The following NKD2 variants were observed in gnomAD, a reference collection of about 807,000 sequenced individuals.
NKD2 encodes protein naked cuticle homolog 2.
Under a neutral mutation model 34.8 loss-of-function variants are expected in NKD2, and 43 were observed. That is an observed-to-expected ratio of 1.24 (90% CI 0.97 to 1.60). The LOEUF is 1.60. Among genes scored for constraint, NKD2 ranks in the 40% most tolerant of loss-of-function variants. The pLI is 0.00. For synonymous variants in NKD2, 278 were observed against 265.1 expected, an observed-to-expected ratio of 1.05 and a Z score of -0.47; for missense variants, 675 against 627.1, an observed-to-expected ratio of 1.08 and a Z score of -0.82.
In NKD2 at chr5:1,038,467, G is replaced by GCCAAGCC; in HGVS notation, c.*96_*97insAAGCCCC. On this transcript the variant is annotated 3_prime_UTR_variant, in exon 10 of 10. Coordinates refer to ENST00000296849, the MANE Select transcript of NKD2 (RefSeq NM_033120.4). The surrounding 1 kb of genome is among the most constrained non-coding windows in gnomAD (Gnocchi z 4.5). Reference sequence around the variant, plus strand: ...GCTGCCGGCTGTGTGCCCATGGGGAGCCCAGCCCCCACCCCCCACCTCCGA... The same window carrying GCCAAGCC: ...GCTGCCGGCTGTGTGCCCATGGGGAGCCAAGCCCCCAGCCCCCACCCCCCACCTCCGA... The GCCAAGCC allele has an allele frequency of 6.5e-7, 1 of 1,531,590 alleles. No individual in the cohort carries two copies. Among genetic ancestry groups the GCCAAGCC allele is most frequent in the South Asian group, 1.2e-5 (1 of 83,948 alleles). The allele number at this position is 1,531,590 out of a possible 1,614,324, so 94.9% of individuals were successfully genotyped here.
rs1035167657 is a variant in NKD2, at chr5:1,028,139, G to C, written c.142-4013G>C. ...TTACCGTCTGGGCTGGGACCAGGAC[G>C]GGGGCTGGGTGCTGGGAGGACGAAG... On this transcript the variant is annotated intron_variant, in intron 3 of 9. Coordinates refer to ENST00000296849, the MANE Select transcript of NKD2 (RefSeq NM_033120.4). 2.3e-4 allele frequency among the ~76,000 whole-genome samples: 33 copies of C among 140,846 alleles called. 1 individual carries two copies. Among genetic ancestry groups the C allele is most frequent in the Admixed American group, 3.4e-4 (5 of 14,598 alleles). 92.4% of individuals were successfully genotyped at this position (140,846 alleles called of 152,430 possible). A position where few individuals can be genotyped will look rare whatever the true frequency, so the allele number is the denominator to read the frequency against.
chr5:1,012,751 G>A (rs1210518653), intron 3 of NKD2, among the ~76,000 whole-genome samples: 1 of 152,204 alleles, frequency 6.6e-6, no homozygotes, highest in Non-Finnish European at 1.5e-5. Context: ...CCTTCCCCCA[G>A]AGGCAGGGGT....
intron 3 of NKD2, among the ~76,000 whole-genome samples, chr5:1,015,363 G>C (rs1038933268): frequency 1.2e-4 from 18 of 152,222 alleles, no homozygotes; most frequent in African/African-American, 3.9e-4. Context: ...CCTCCTGGCT[G>C]CTGTTCTTGA....
chr5:1,030,306 C>G (rs920581522), intron 3 of NKD2, among the ~76,000 whole-genome samples: 3 of 152,236 alleles, frequency 2.0e-5, no homozygotes, highest in Non-Finnish European at 1.5e-5. Flanking sequence ...TCCGCAGTGG[C>G]AGTGCCTGCA....
Position 1,009,063 on chromosome 5 carries a change from G to A in NKD2, c.6G>A (p.Gly2=), listed in dbSNP as rs1404048185. The change falls in exon 1 of 10, where the codon GGG becomes GGA. Residue 2 remains glycine, a synonymous_variant. Transcript: ENST00000296849. The surrounding 1 kb of genome is among the most constrained non-coding windows in gnomAD (Gnocchi z 6.9). M[G]KLQSKHAAAA... ...GGCGGGGCGTGGCGGCGGCGATGGG[G>A]AAACTGCAGTCGAAGCACGGTGAGC... The A allele has an allele frequency of 3.1e-6, 1 of 324,202 alleles. No homozygotes were observed. The highest frequency in any genetic ancestry group is 6.4e-5 in the Admixed American group (1 of 15,648). The allele number at this position is 324,202 out of a possible 1,614,324, so 20.1% of individuals were successfully genotyped here. A position where few individuals can be genotyped will look rare whatever the true frequency, so the allele number is the denominator to read the frequency against.
rs550537053 is a variant in NKD2 at position 1,029,752 on chromosome 5, C to T, written c.142-2400C>T. Reference sequence around the variant, plus strand: ...CCCGCTGCCTGTCCTCAGGAGCCACCGCACCTCCGGCTCCTCTGAGTTCTG... The same window carrying T: ...CCCGCTGCCTGTCCTCAGGAGCCACTGCACCTCCGGCTCCTCTGAGTTCTG... On this transcript the variant is annotated intron_variant, in intron 3 of 9. Transcript: ENST00000296849. Among the ~76,000 whole-genome samples, 344 of 152,302 alleles carry T rather than the reference C, an allele frequency of 2.3e-3. 1 individual carries two copies. The highest frequency in any genetic ancestry group is 7.1e-3 in the African/African-American group (293 of 41,532).
intron 3 of NKD2, among the ~76,000 whole-genome samples, chr5:1,013,080 G>A (rs1428690754): frequency 2.0e-5 from 3 of 152,212 alleles, no homozygotes. Flanking sequence ...GTGCCACACA[G>A]AAGGAGAGGT....
rs1733864475 is a variant in NKD2, at chr5:1,035,614, C to G, written c.659+141C>G. 21 of 664,494 alleles carry G rather than the reference C, an allele frequency of 3.2e-5. 1 individual carries two copies. In the South Asian group the frequency reaches 3.4e-4, roughly 11 times the overall value. The allele number at this position is 664,494 out of a possible 1,614,324, so 41.2% of individuals were successfully genotyped here. A position where few individuals can be genotyped will look rare whatever the true frequency, so the allele number is the denominator to read the frequency against. On this transcript the variant is annotated intron_variant, in intron 8 of 9. Transcript: ENST00000296849. ...GCAGGGGGCACCTGGTCCAGCAGCTCTGTGGGGCATGGGCCCTTCCAGCAT... is the reference window on the plus strand; with the variant it reads ...GCAGGGGGCACCTGGTCCAGCAGCTGTGTGGGGCATGGGCCCTTCCAGCAT...
At chr5:1,033,998 T>G (rs1448108074) in intron 5 of NKD2, 5 of 581,318 alleles carry the variant, frequency 8.6e-6, no homozygotes, top group African/African-American at 3.8e-5. Context: ...GGTGTCACTG[T>G]GGGGGAACCG....
Position 1,035,144 on chromosome 5 carries a change from ATGAAT to A in NKD2, c.574+242_575-240del, listed in dbSNP as rs758950705. On this transcript the variant is annotated intron_variant, in intron 7 of 9. Coordinates refer to ENST00000296849, the MANE Select transcript of NKD2 (RefSeq NM_033120.4). ...AATGAGTGAACAAGTGAGTTAATGA[ATGAAT>A]GAGTTAATGAATGAGTGAGTGTTAA... Among the ~76,000 whole-genome samples the A allele has an allele frequency of 7.1e-4, 107 of 151,506 alleles. 2 individuals are homozygous for A. The East Asian group carries it at 0.013, about 19-fold the overall frequency.
intron 3 of NKD2, among the ~76,000 whole-genome samples, chr5:1,019,198 G>A (rs1170654754): frequency 2.0e-5 from 3 of 152,236 alleles, no homozygotes; most frequent in African/African-American, 7.2e-5. Flanking sequence ...TTTTGCGGTT[G>A]GAGTGACCCC....
chr5:1,013,019 G>C (rs1470165757), intron 3 of NKD2, among the ~76,000 whole-genome samples: 2 of 152,228 alleles, frequency 1.3e-5, no homozygotes, highest in Non-Finnish European at 2.9e-5. Flanking sequence ...CAGTGCACGT[G>C]CGCCCAGAGA....
intron 3 of NKD2, among the ~76,000 whole-genome samples, chr5:1,017,512 C>T (rs1756007130): frequency 6.6e-6 from 1 of 152,246 alleles, no homozygotes. Context: ...GATTCCAGGG[C>T]TGTCTTTGCC....
At chr5:1,033,550 G>C in intron 5 of NKD2, 51 bp downstream of exon 5, 2 of 1,514,394 alleles carry the variant, frequency 1.3e-6, no homozygotes, top group Non-Finnish European at 1.8e-6. Context: ...GGGGCCGGGG[G>C]CTCAGGGACA....
At chr5:1,036,418 C>T (rs1733936445) in intron 9 of NKD2, 34 bp downstream of exon 9, 6 of 1,591,342 alleles carry the variant, frequency 3.8e-6, no homozygotes, top group Admixed American at 1.7e-5. Context: ...GCGTGAGGCC[C>T]TGGCTGTGGG....
At chr5:1,029,002 C>G (rs1050702686) in intron 3 of NKD2, among the ~76,000 whole-genome samples, 1 of 152,180 alleles carries the variant, frequency 6.6e-6, no homozygotes, top group South Asian at 2.1e-4. Flanking sequence ...ATCTGGCCAG[C>G]GGCCCGGGGG....
At position 1,037,600 on chromosome 5, in the gene NKD2, G is replaced by T. The variant is rs746610758; in HGVS notation, c.788-205G>T. The T allele has an allele frequency of 3.3e-6, 5 of 1,535,916 alleles. No homozygotes were observed. The South Asian group carries it at 5.9e-5, about 18-fold the overall frequency. On this transcript the variant is annotated intron_variant, in intron 9 of 9. Transcript: ENST00000296849. Reference sequence around the variant, plus strand: ...GGCTAGAGGAGTCGGCCTTTGCAGGGAGCTGTGGAGCCAGGCAGGTCACCC... The same window carrying T: ...GGCTAGAGGAGTCGGCCTTTGCAGGTAGCTGTGGAGCCAGGCAGGTCACCC...
intron 6 of NKD2, among the ~76,000 whole-genome samples, 154 bp downstream of exon 6, chr5:1,034,484 C>A (rs1228342981): frequency 6.6e-6 from 1 of 152,138 alleles, no homozygotes; most frequent in Non-Finnish European, 1.5e-5. Flanking sequence ...GGGCCCAGTT[C>A]ACGTGTGTTT....
At chr5:1,021,235 G>T (rs1321329596) in intron 3 of NKD2, among the ~76,000 whole-genome samples, 1 of 152,084 alleles carries the variant, frequency 6.6e-6, no homozygotes, top group Non-Finnish European at 1.5e-5. Flanking sequence ...ATCTGCAAAT[G>T]CCTCTCAGAT....
Sources: gnomAD v4.1 joint callset for allele counts (sites outside exome capture counted in the v4.1 genomes callset) on GRCh38, gnomAD v4.1.1 for gene constraint, Gnocchi (gnomAD v3.1) non-coding constraint, MANE v1.5 for transcripts, NCBI Gene and HGNC (gene_info 2026-07-23, HGNC 2026-07-21) for gene names.